Variants in PEX5L observed in about 807,000 individuals in gnomAD.
The protein encoded by PEX5L is peroxisomal biogenesis factor 5 like.
Under a neutral mutation model 84.0 loss-of-function variants are expected in PEX5L, and 30 were observed. The ratio of observed to expected loss-of-function variants is 0.36; its 90% CI spans 0.27 to 0.48. The LOEUF (loss-of-function observed/expected upper bound fraction) is 0.48, where lower values mean the gene tolerates loss of function less well. Ranked by LOEUF, PEX5L falls within the 20% of genes least tolerant of loss-of-function variation. The probability of loss-of-function intolerance (pLI) is 0.99; values close to 1 mark genes in which losing one functional copy is unlikely to be tolerated. For missense variants in PEX5L, 533 were observed against 754.6 expected (o/e 0.71, Z 3.44); for synonymous variants, 270 against 283.1 (o/e 0.95, Z 0.46).
At chr3:179,882,928 C>T (rs750351032) in intron 4 of PEX5L, among the ~76,000 whole-genome samples, 2 of 151,912 alleles carry the variant, frequency 1.3e-5, no homozygotes, top group Non-Finnish European at 2.9e-5. Context: ...CACTACAAAA[C>T]AATTAAAAAA....
intron 11 of PEX5L, among the ~76,000 whole-genome samples, chr3:179,810,992 C>G (rs1377315686): frequency 6.6e-5 from 10 of 152,106 alleles, no homozygotes; most frequent in Admixed American, 2.6e-4. Flanking sequence ...ATCCCCAATT[C>G]TCTCATCTGT....
At position 179,796,239 on chromosome 3, in the gene PEX5L, A is replaced by AT. The variant is rs142387204; in HGVS notation, c.*5588dup. ...TTATAGTTGAGCAAAGAACTGCCTA[A>AT]TTGTTGTTGTTGTTTCCATCTTAAT... On this transcript the variant is annotated 3_prime_UTR_variant, in exon 15 of 15. Transcript: ENST00000467460. 7.3e-5 allele frequency: 11 copies of AT among 151,340 alleles called. No individual in the cohort carries two copies. The highest frequency in any genetic ancestry group is 1.2e-4 in the Non-Finnish European group (8 of 67,808). The allele number at this position is 151,340 out of a possible 1,614,324, so 9.4% of individuals were successfully genotyped here.
intron 2 of PEX5L, among the ~76,000 whole-genome samples, chr3:179,911,826 G>A (rs1337894083): frequency 6.6e-6 from 1 of 152,074 alleles, no homozygotes; most frequent in Non-Finnish European, 1.5e-5. Flanking sequence ...ATAGAACCAT[G>A]TTAGGAAATC....
intron 1 of PEX5L, among the ~76,000 whole-genome samples, chr3:179,988,898 T>C (rs1787121463): frequency 6.6e-6 from 1 of 152,216 alleles, no homozygotes; most frequent in Non-Finnish European, 1.5e-5. Flanking sequence ...AACTTGGATA[T>C]ATATTCAAGT....
intron 9 of PEX5L, among the ~76,000 whole-genome samples, chr3:179,819,234 A>C (rs1247517302): frequency 6.6e-6 from 1 of 152,074 alleles, no homozygotes; most frequent in Non-Finnish European, 1.5e-5. Context: ...CAACCCCACC[A>C]AGTGTTTTTA....
chr3:179,956,461 A>G (rs1251369472), intron 2 of PEX5L, among the ~76,000 whole-genome samples: 2 of 152,290 alleles, frequency 1.3e-5, no homozygotes, highest in East Asian at 1.9e-4. Context: ...ACCACTTCAT[A>G]CAAGTTGCTT....
intron 2 of PEX5L, among the ~76,000 whole-genome samples, chr3:179,947,678 C>A (rs1242144701): frequency 1.3e-5 from 2 of 150,608 alleles, no homozygotes; most frequent in Non-Finnish European, 2.9e-5. Context: ...AAAATAATAA[C>A]CATATTTTAA....
chr3:179,911,935 T>C (rs1765325079), intron 2 of PEX5L, among the ~76,000 whole-genome samples: 1 of 152,198 alleles, frequency 6.6e-6, no homozygotes, highest in Non-Finnish European at 1.5e-5. Flanking sequence ...ACTGCTGGAA[T>C]AGTTCAAGCA....
intron 8 of PEX5L, among the ~76,000 whole-genome samples, chr3:179,823,141 C>T (rs774494556): frequency 2.6e-5 from 4 of 152,104 alleles, no homozygotes. Context: ...AAAAATCACG[C>T]ACAATCGCAA....
intron 1 of PEX5L, among the ~76,000 whole-genome samples, chr3:180,013,980 G>A (rs893351127): frequency 5.3e-5 from 8 of 151,980 alleles, no homozygotes; most frequent in Admixed American, 3.9e-4. Context: ...ATATTCCATT[G>A]CAAACTGCAA....
chr3:179,874,296 G>T, intron 7 of PEX5L, 31 bp downstream of exon 7: 2 of 1,190,676 alleles, frequency 1.7e-6, no homozygotes, highest in Non-Finnish European at 2.5e-6. Flanking sequence ...TATAGGGAAA[G>T]ATGTGTTCAT....
chr3:179,849,396 G>A (rs1740898377), intron 8 of PEX5L, among the ~76,000 whole-genome samples: 1 of 152,168 alleles, frequency 6.6e-6, no homozygotes. Context: ...TTTTCCATCT[G>A]ATCTCATAGC....
intron 2 of PEX5L, among the ~76,000 whole-genome samples, chr3:179,966,739 T>C (rs1343261668): frequency 2.6e-5 from 4 of 152,110 alleles, no homozygotes; most frequent in Non-Finnish European, 5.9e-5. Context: ...AAGGGTGAGG[T>C]TATAATTTAT....
rs78833706 is a variant in PEX5L, at chr3:179,803,056, C to G, written c.1677-1024G>C. ...GGTCAAAATTATTTTTATGATAAAGCTAATATGTTATTTGATTTTTTTGCT... is the reference window on the plus strand; with the variant it reads ...GGTCAAAATTATTTTTATGATAAAGGTAATATGTTATTTGATTTTTTTGCT... On this transcript the variant is annotated intron_variant, in intron 14 of 14. Coordinates refer to ENST00000467460, the MANE Select transcript of PEX5L (RefSeq NM_016559.3). 4.2e-3 allele frequency among the ~76,000 whole-genome samples: 643 copies of G among 152,186 alleles called. 6 individuals carry two copies. The highest frequency in any genetic ancestry group is 0.015 in the African/African-American group (620 of 41,518).
At chr3:179,920,353 T>C (rs1768888070) in intron 2 of PEX5L, among the ~76,000 whole-genome samples, 1 of 152,224 alleles carries the variant, frequency 6.6e-6, no homozygotes, top group South Asian at 2.1e-4. Flanking sequence ...TTGAGTTGGG[T>C]TGGGCCTTTT....
intron 8 of PEX5L, among the ~76,000 whole-genome samples, chr3:179,821,173 T>G (rs1453933528): frequency 6.6e-6 from 1 of 152,182 alleles, no homozygotes; most frequent in Non-Finnish European, 1.5e-5. Flanking sequence ...TATTTCATAT[T>G]TCATGCCCTA....
chr3:179,805,318 T>G lies in PEX5L; in HGVS notation c.1676+2356A>C, dbSNP rs146440539. Reference sequence around the variant, plus strand: ...GCAAATAAAAATACAGAATGCATAGTTAAATGTGAACTTCAGATAAACATC... The same window carrying G: ...GCAAATAAAAATACAGAATGCATAGGTAAATGTGAACTTCAGATAAACATC... On this transcript the variant is annotated intron_variant, in intron 14 of 14. Transcript: ENST00000467460. Among the ~76,000 whole-genome samples, 6 of 152,152 alleles carry G rather than the reference T, an allele frequency of 3.9e-5. No individual in the cohort carries two copies. The East Asian group carries it at 1.2e-3, about 29-fold the overall frequency.
chr3:179,858,642 G>A (rs1040251980), intron 8 of PEX5L, among the ~76,000 whole-genome samples: 16 of 151,938 alleles, frequency 1.1e-4, no homozygotes, highest in African/African-American at 3.6e-4. Flanking sequence ...TATATCACAC[G>A]GGCAGCAAGA....
At chr3:179,977,742 G>A (rs1007005135) in intron 1 of PEX5L, among the ~76,000 whole-genome samples, 6 of 152,136 alleles carry the variant, frequency 3.9e-5, no homozygotes, top group Admixed American at 3.9e-4. Flanking sequence ...CTTAGGTATG[G>A]GGGAGATCAA....
Sources: allele counts gnomAD v4.1 joint callset (sites outside exome capture counted in the v4.1 genomes callset), GRCh38; gene constraint gnomAD v4.1.1; transcripts MANE v1.5; gene names NCBI Gene and HGNC (gene_info 2026-07-23, HGNC 2026-07-21).